SUPT16H: variants seen among roughly 807,000 people sequenced by gnomAD.
The protein encoded by SUPT16H is SPT16 homolog, facilitates chromatin remodeling subunit.
In SUPT16H, 24 loss-of-function variants were observed where a neutral mutation model predicts 136.2. That is an observed-to-expected ratio of 0.18 (90% CI 0.13 to 0.25). The LOEUF (loss-of-function observed/expected upper bound fraction) is 0.25. SUPT16H is among the 10% of genes least tolerant of loss of function. The probability of loss-of-function intolerance (pLI) is 1.00; values close to 1 mark genes in which losing one functional copy is unlikely to be tolerated. For missense variants in SUPT16H, 623 were observed against 1,270.2 expected, an observed-to-expected ratio of 0.49 and a Z score of 7.74; for synonymous variants, 415 against 428.2, an observed-to-expected ratio of 0.97 and a Z score of 0.38.
chr14:21,379,034 G>T (rs528996141), intron 1 of SUPT16H, among the ~76,000 whole-genome samples: 18 of 152,270 alleles, frequency 1.2e-4, no homozygotes, highest in African/African-American at 4.3e-4. Flanking sequence ...TATTTTTGCA[G>T]TCTGGTTGTA....
intron 20 of SUPT16H, 56 bp from the exon 21 acceptor site, chr14:21,358,058 A>G: frequency 6.7e-7 from 1 of 1,490,116 alleles, no homozygotes; most frequent in Non-Finnish European, 9.3e-7. Context: ...TGCTCCTACC[A>G]CAACAGACAA....
intron 1 of SUPT16H, among the ~76,000 whole-genome samples, chr14:21,378,168 G>A (rs896667625): frequency 1.3e-5 from 2 of 151,664 alleles, no homozygotes; most frequent in African/African-American, 4.8e-5. Flanking sequence ...AGGATAATGT[G>A]GGGGGTGGAA....
intron 3 of SUPT16H, 44 bp from the exon 4 acceptor site, chr14:21,370,532 T>C: frequency 6.3e-7 from 1 of 1,598,088 alleles, no homozygotes; most frequent in South Asian, 1.1e-5. Flanking sequence ...GTTTTACCAG[T>C]TCATTAGACA....
chr14:21,361,432 T>A (rs879384052), intron 15 of SUPT16H: 9 of 565,062 alleles, frequency 1.6e-5, no homozygotes, highest in Non-Finnish European at 2.8e-5. Context: ...TCCTCCCACC[T>A]CAGCCTTCCA....
rs752573514 is a variant in SUPT16H at position 21,362,774 on chromosome 14, G to T, written c.1665+20C>A. On this transcript the variant is annotated intron_variant, in intron 14 of 25. Coordinates refer to ENST00000216297, the MANE Select transcript of SUPT16H (RefSeq NM_007192.4). Reference sequence around the variant, plus strand: ...TTAAGCAACAGTTTGGATGAAACCTGATGCACTGAATGTCAGTACCTTGAT... The same window carrying T: ...TTAAGCAACAGTTTGGATGAAACCTTATGCACTGAATGTCAGTACCTTGAT... The T allele has an allele frequency of 6.3e-7, 1 of 1,585,092 alleles. No individual in the cohort carries two copies. Among genetic ancestry groups the T allele is most frequent in the South Asian group, 1.2e-5 (1 of 85,996 alleles).
At chr14:21,362,675 G>A in intron 14 of SUPT16H, 119 bp downstream of exon 14, 2 of 1,189,852 alleles carry the variant, frequency 1.7e-6, no homozygotes, top group Non-Finnish European at 2.3e-6. Flanking sequence ...GTCAGTAACT[G>A]AACAGAGTCT....
At chr14:21,370,571 T>C (rs1453972004) in intron 3 of SUPT16H, 83 bp from the exon 4 acceptor site, 10 of 1,442,228 alleles carry the variant, frequency 6.9e-6, no homozygotes, top group Non-Finnish European at 8.5e-6. Flanking sequence ...TAGAATAATA[T>C]TCTAAACTAC....
At chr14:21,358,759 A>G (rs1263068631) in intron 19 of SUPT16H, among the ~76,000 whole-genome samples, 1 of 152,202 alleles carries the variant, frequency 6.6e-6, no homozygotes, top group Admixed American at 6.5e-5. Flanking sequence ...ACCCTATCTC[A>G]GCAGATACTT....
intron 1 of SUPT16H, among the ~76,000 whole-genome samples, chr14:21,380,082 T>C (rs140154204): frequency 0.023 from 3,493 of 152,286 alleles, 57 homozygotes; most frequent in Non-Finnish European, 0.034. Context: ...CATTTTTCTA[T>C]GTCATTACCC....
chr14:21,357,664 T>G (rs777986411), intron 21 of SUPT16H, among the ~76,000 whole-genome samples: 12 of 152,064 alleles, frequency 7.9e-5, no homozygotes, highest in Non-Finnish European at 1.3e-4. Flanking sequence ...AAAAGAGAGA[T>G]AGGTTCTTGC....
At chr14:21,356,810 G>T (rs1886444553) in intron 22 of SUPT16H, among the ~76,000 whole-genome samples, 1 of 152,088 alleles carries the variant, frequency 6.6e-6, no homozygotes, top group Admixed American at 6.5e-5. Context: ...AGCAGAAAAG[G>T]ATGCTTCAAA....
intron 25 of SUPT16H, among the ~76,000 whole-genome samples, chr14:21,353,080 G>C (rs988609444): frequency 6.6e-6 from 1 of 152,184 alleles, no homozygotes; most frequent in Non-Finnish European, 1.5e-5. Context: ...TAAAACGTTT[G>C]TTTGGGGTTT....
In SUPT16H at chr14:21,371,892, T is replaced by C. The variant is rs771819962; in HGVS notation, c.312A>G (p.Thr104=). Residue 104 remains threonine, a synonymous_variant, in exon 3 of 26, where the codon ACA becomes ACG. Coordinates refer to ENST00000216297, the MANE Select transcript of SUPT16H (RefSeq NM_007192.4). ...TCCTGACCTTTTCTCGTATTAGCAG[T>C]GTGATGGCAGGGGCTCCATTAGCAT... ...NENANGAPAI[T]LLIREKNESN... 2.5e-6 allele frequency: 4 copies of C among 1,614,064 alleles called. No individual in the cohort carries two copies. Among genetic ancestry groups the C allele is most frequent in the East Asian group, 4.5e-5 (2 of 44,880 alleles).
intron 11 of SUPT16H, 47 bp from the exon 12 acceptor site, chr14:21,363,375 C>T (rs1433841979): frequency 1.2e-6 from 2 of 1,603,192 alleles, no homozygotes; most frequent in South Asian, 2.2e-5. Context: ...ATTATTTTAG[C>T]CAATATTATT....
intron 2 of SUPT16H, 52 bp from the exon 3 acceptor site, chr14:21,372,096 G>A (rs1418330405): frequency 5.2e-6 from 8 of 1,548,098 alleles, no homozygotes; most frequent in Non-Finnish European, 7.0e-6. Context: ...AAAAATTAAT[G>A]GACTCATATA....
intron 7 of SUPT16H, among the ~76,000 whole-genome samples, chr14:21,367,844 T>A (rs944606636): frequency 3.9e-5 from 6 of 152,096 alleles, no homozygotes; most frequent in African/African-American, 1.4e-4. Flanking sequence ...TTTGTAAATC[T>A]TATTCTGTTT....
At chr14:21,376,432 TC>T (rs770502879) in intron 1 of SUPT16H, among the ~76,000 whole-genome samples, 3 of 152,138 alleles carry the variant, frequency 2.0e-5, no homozygotes, top group Non-Finnish European at 1.5e-5. Context: ...TTTTAAGGCT[TC>T]TGCTTGTTAA....
chr14:21,360,527 C>T lies in SUPT16H; in HGVS notation c.2063G>A (p.Arg688His), dbSNP rs1478476745. 1 of 1,610,042 alleles carries T rather than the reference C, an allele frequency of 6.2e-7. No homozygotes were observed. The highest frequency in any genetic ancestry group is 8.5e-7 in the Non-Finnish European group (1 of 1,177,730). The change falls in exon 18 of 26, where the codon CGC becomes CAC. Residue 688 changes from arginine (R) to histidine (H), a missense_variant. Physicochemically the swap from Arg to His is conservative, Grantham distance 29. This residue lies in a region of SUPT16H where 21 missense variants were observed against 140.3 expected (regional missense o/e 0.15). Coordinates refer to ENST00000216297, the MANE Select transcript of SUPT16H (RefSeq NM_007192.4). ...GSLEAHVNGF[R>H]FTSVRGDKVD... The stretch of plus-strand genomic sequence containing the variant: ...TTTGTCTCCTCGAACAGATGTGAAG[C>T]GGAAGCCTGGGGAAAAGAATGAAGA...
At chr14:21,364,494 C>T (rs1274210721) in intron 10 of SUPT16H, among the ~76,000 whole-genome samples, 1 of 152,096 alleles carries the variant, frequency 6.6e-6, no homozygotes, top group African/African-American at 2.4e-5. Flanking sequence ...CTAAATTGTA[C>T]ATATCAGGTG....
Sources: gnomAD v4.1 joint callset for allele counts (sites outside exome capture counted in the v4.1 genomes callset) on GRCh38, gnomAD v4.1.1 for gene constraint, gnomAD v4.1.1 regional missense constraint, MANE v1.5 for transcripts, NCBI Gene and HGNC (gene_info 2026-07-23, HGNC 2026-07-21) for gene names.